The following TTC6 variants were observed in gnomAD, a reference collection of about 807,000 sequenced individuals.
The protein encoded by TTC6 is tetratricopeptide repeat protein 6.
Under a neutral mutation model 210.4 loss-of-function variants are expected in TTC6, and 172 were observed. The ratio of observed to expected loss-of-function variants is 0.82; its 90% CI spans 0.72 to 0.93. The LOEUF is 0.93. Ranked by LOEUF, TTC6 falls within the 40% of genes least tolerant of loss-of-function variation. TTC6 has a pLI of 0.00. For missense variants in TTC6, 2,414 were observed against 2,318.1 expected, an observed-to-expected ratio of 1.04 and a Z score of -0.85; for synonymous variants, 804 against 819.6, an observed-to-expected ratio of 0.98 and a Z score of 0.32.
rs1595141453 is a variant in TTC6, at chr14:37,715,050, T to C, written c.1713+254T>C. On this transcript the variant is annotated intron_variant, in intron 6 of 30. Transcript: ENST00000553443. ...CCAGCCTGGTGGCACACGTCTGTGG[T>C]CCCAGCTACTTGGGAGGCTAAGATG... Among the ~76,000 whole-genome samples, 3 of 152,058 alleles carry C rather than the reference T, an allele frequency of 2.0e-5. No homozygotes were observed. In the East Asian group the frequency reaches 5.8e-4, roughly 29 times the overall value.
chr14:37,823,176 TC>T (rs1239641063), intron 26 of TTC6, among the ~76,000 whole-genome samples: 1 of 152,154 alleles, frequency 6.6e-6, no homozygotes, highest in Non-Finnish European at 1.5e-5. Flanking sequence ...GAGAGAGTTA[TC>T]ATTTAGCCAA....
chr14:37,703,866 C>CA (rs1375756887), intron 5 of TTC6, among the ~76,000 whole-genome samples: 1 of 151,918 alleles, frequency 6.6e-6, no homozygotes, highest in Non-Finnish European at 1.5e-5. Context: ...ACATTTAGTT[C>CA]AAATTTTTGG....
chr14:37,645,878 G>C (rs1168542240), intron 1 of TTC6, among the ~76,000 whole-genome samples: 1 of 152,138 alleles, frequency 6.6e-6, no homozygotes, highest in African/African-American at 2.4e-5. Context: ...TTAATATCCT[G>C]AGCAAAATTC....
At chr14:37,739,437 A>G (rs998251102) in intron 10 of TTC6, among the ~76,000 whole-genome samples, 4 of 151,980 alleles carry the variant, frequency 2.6e-5, no homozygotes. Flanking sequence ...TTAGTTGGGC[A>G]TGGTGGTGTG....
intron 14 of TTC6, among the ~76,000 whole-genome samples, chr14:37,785,921 G>A (rs1391191956): frequency 2.6e-5 from 4 of 152,192 alleles, no homozygotes; most frequent in Non-Finnish European, 5.9e-5. Flanking sequence ...GGTATCACCA[G>A]TGGAGGCTGC....
rs377117749 is a variant in TTC6, at chr14:37,672,821, A to ATTTTTTTTTTTTTTTTTTTTTTT, written c.940-7311_940-7310insTTTTTTTTTTTTTTTTTTTTTTT. Among the ~76,000 whole-genome samples, 74 of 128,962 alleles carry ATTTTTTTTTTTTTTTTTTTTTTT rather than the reference A, an allele frequency of 5.7e-4. 1 individual carries two copies. Among genetic ancestry groups the ATTTTTTTTTTTTTTTTTTTTTTT allele is most frequent in the African/African-American group, 1.8e-3 (60 of 32,456 alleles). The allele number at this position is 128,962 out of a possible 152,430, so 84.6% of individuals were successfully genotyped here. A position where few individuals can be genotyped will look rare whatever the true frequency, so the allele number is the denominator to read the frequency against. ...TAAGCAAGCTTTTCATGAATTCCTCATTTTTTTTTTTTTTTTTTTACTAAA... is the reference window on the plus strand; with the variant it reads ...TAAGCAAGCTTTTCATGAATTCCTCATTTTTTTTTTTTTTTTTTTTTTTTTTTTTTTTTTTTTTTTTTACTAAA... On this transcript the variant is annotated intron_variant, in intron 1 of 30. Coordinates refer to ENST00000553443, the Ensembl canonical transcript of TTC6.
rs1260394747 is a variant in TTC6 at position 37,821,036 on chromosome 14, TC to T, written c.4764-2710del. Among the ~76,000 whole-genome samples, 241 of 147,882 alleles carry T rather than the reference TC, an allele frequency of 1.6e-3. 3 individuals are homozygous for T. The highest frequency in any genetic ancestry group is 2.6e-3 in the Non-Finnish European group (168 of 65,210). ...TTCTTCTTCTTCCTCTTCTTCTTCTTCTTCTTCTTCTTCTTCCTTCTTCTTT... is the reference window on the plus strand; with the variant it reads ...TTCTTCTTCTTCCTCTTCTTCTTCTTTTCTTCTTCTTCTTCCTTCTTCTTT... On this transcript the variant is annotated intron_variant, in intron 26 of 30. Transcript: ENST00000553443.
chr14:37,771,134 C>G (rs1282081720), intron 14 of TTC6, among the ~76,000 whole-genome samples: 1 of 151,862 alleles, frequency 6.6e-6, no homozygotes, highest in East Asian at 1.9e-4. Context: ...TATTGGCCCC[C>G]ACTCTCTTCT....
At chr14:37,804,480 T>C (rs1007881698) in intron 20 of TTC6, among the ~76,000 whole-genome samples, 200 bp from the exon 23 acceptor site, 61 of 152,250 alleles carry the variant, frequency 4.0e-4, no homozygotes, top group Non-Finnish European at 6.9e-4. Context: ...GTGGGACTCA[T>C]GAGGGTAAGA....
Position 37,749,961 on chromosome 14 carries a change from A to G in TTC6, c.2956+118A>G, listed in dbSNP as rs2095946879. On this transcript the variant is annotated intron_variant, in intron 12 of 30. Transcript: ENST00000553443. ...ATATGTCCTGAAAATGACTTTCCTC[A>G]GTTAAATTTTTTTACTCTTGTTATT... is the stretch of plus-strand genomic sequence containing the variant. The G allele has an allele frequency of 4.2e-6, 3 of 710,544 alleles. 1 individual carries two copies. The Admixed American group carries it at 1.4e-4, about 33-fold the overall frequency. The allele number at this position is 710,544 out of a possible 1,614,324, so 44.0% of individuals were successfully genotyped here.
At chr14:37,681,231 A>G (rs956177986) in intron 2 of TTC6, among the ~76,000 whole-genome samples, 1 of 152,146 alleles carries the variant, frequency 6.6e-6, no homozygotes, top group Non-Finnish European at 1.5e-5. Flanking sequence ...ACAAATATAT[A>G]TCAAAACTTC....
chr14:37,807,422 G>A, exon 23 of TTC6: 1 of 1,529,996 alleles, frequency 6.5e-7, no homozygotes, highest in Middle Eastern at 1.7e-4. Flanking sequence ...AAGCGTACGT[G>A]CCTATCTCTA....
At chr14:37,716,604 T>G (rs2095853169) in intron 6 of TTC6, among the ~76,000 whole-genome samples, 1 of 152,090 alleles carries the variant, frequency 6.6e-6, no homozygotes, top group African/African-American at 2.4e-5. Context: ...TATATTATAA[T>G]AAAAGTGTCA....
chr14:37,762,007 C>T (rs2095986039), intron 14 of TTC6, among the ~76,000 whole-genome samples: 1 of 152,164 alleles, frequency 6.6e-6, no homozygotes. Context: ...CTCTAATAAC[C>T]AGTATTGTTC....
intron 29 of TTC6, among the ~76,000 whole-genome samples, chr14:37,840,755 A>G (rs2096208118): frequency 6.6e-6 from 1 of 152,132 alleles, no homozygotes; most frequent in Non-Finnish European, 1.5e-5. Context: ...CCAAAGTGTT[A>G]CTTTTCTAAT....
chr14:37,775,218 T>G (rs1411085397), intron 14 of TTC6, among the ~76,000 whole-genome samples: 1 of 152,212 alleles, frequency 6.6e-6, no homozygotes, highest in African/African-American at 2.4e-5. Flanking sequence ...GCTTTTCACA[T>G]CTCAATTTCC....
chr14:37,720,819 A>C (rs2095860436), intron 6 of TTC6, among the ~76,000 whole-genome samples: 1 of 152,152 alleles, frequency 6.6e-6, no homozygotes, highest in Non-Finnish European at 1.5e-5. Flanking sequence ...AGTGGTTTCC[A>C]GGTTTTCAGG....
At chr14:37,632,165 G>C (rs1469651758) in intron 1 of TTC6, among the ~76,000 whole-genome samples, 3 of 152,184 alleles carry the variant, frequency 2.0e-5, no homozygotes, top group Admixed American at 6.5e-5. Context: ...TTGATGGCAA[G>C]TAGTTGTGAT....
chr14:37,740,352 T>C (rs946090258), intron 10 of TTC6, among the ~76,000 whole-genome samples: 4 of 152,162 alleles, frequency 2.6e-5, no homozygotes, highest in Non-Finnish European at 4.4e-5. Context: ...ATAACTTTCT[T>C]ATAACAAACA....
Sources: gnomAD v4.1 joint callset for allele counts (sites outside exome capture counted in the v4.1 genomes callset) on GRCh38, gnomAD v4.1.1 for gene constraint, MANE v1.5 for transcripts, NCBI Gene and HGNC (gene_info 2026-07-23, HGNC 2026-07-21) for gene names.